The following PEX14 variants were observed in gnomAD, a reference collection of about 807,000 sequenced individuals.
PEX14 encodes peroxisomal membrane protein PEX14.
Under a neutral mutation model 49.5 loss-of-function variants are expected in PEX14, and 15 were observed. That is an observed-to-expected ratio of 0.30 (90% CI 0.20 to 0.47). PEX14 has a LOEUF of 0.47. PEX14 is among the 20% of genes least tolerant of loss of function. PEX14 has a pLI of 1.00. For missense variants in PEX14, 398 were observed against 494.8 expected (o/e 0.80, Z 1.86); for synonymous variants, 210 against 212.7 (o/e 0.99, Z 0.11).
intron 3 of PEX14, among the ~76,000 whole-genome samples, chr1:10,553,019 C>T (rs939642767): frequency 6.6e-6 from 1 of 152,152 alleles, no homozygotes; most frequent in Non-Finnish European, 1.5e-5. Flanking sequence ...CATGTGTTAC[C>T]TCAAGAGTGT....
At chr1:10,580,291 C>T (rs1021045875) in intron 3 of PEX14, among the ~76,000 whole-genome samples, 1 of 152,140 alleles carries the variant, frequency 6.6e-6, no homozygotes, top group Non-Finnish European at 1.5e-5. Context: ...GTGGCACCAT[C>T]TCAACTCACT....
chr1:10,546,156 G>A lies in PEX14; in HGVS notation c.169+9859G>A, dbSNP rs115044988. Among the ~76,000 whole-genome samples the A allele has an allele frequency of 1.1e-3, 169 of 152,314 alleles. 2 individuals are homozygous for A. The highest frequency in any genetic ancestry group is 3.8e-3 in the African/African-American group (160 of 41,570). On this transcript the variant is annotated intron_variant, in intron 3 of 8. Transcript: ENST00000356607. ...TAATTGATGACAACAATCATCAATA[G>A]TATATGTTCTCTTAGAAGATATATT...
At chr1:10,581,857 A>T (rs184100429) in intron 3 of PEX14, among the ~76,000 whole-genome samples, 142 of 151,290 alleles carry the variant, frequency 9.4e-4, no homozygotes, top group African/African-American at 3.2e-3. Context: ...CTTTATACTG[A>T]TCTAACATTT....
intron 3 of PEX14, among the ~76,000 whole-genome samples, chr1:10,578,740 C>T (rs1217296929): frequency 1.3e-5 from 2 of 152,036 alleles, no homozygotes; most frequent in Non-Finnish European, 2.9e-5. Flanking sequence ...TGAAAAAGAA[C>T]CAAATGTAAA....
intron 2 of PEX14, among the ~76,000 whole-genome samples, chr1:10,534,561 T>C (rs1638743404): frequency 6.6e-6 from 1 of 152,192 alleles, no homozygotes; most frequent in African/African-American, 2.4e-5. Context: ...TTGATTTTGG[T>C]GTGACCTGAG....
intron 4 of PEX14, chr1:10,617,248 C>G (rs1641451561): frequency 6.6e-6 from 1 of 152,496 alleles, no homozygotes; most frequent in Non-Finnish European, 1.5e-5. Context: ...GCCCTCTGTG[C>G]TGGTCCCAGT....
Position 10,629,678 on chromosome 1 carries a change from G to A in PEX14, c.825G>A (p.Ser275=), listed in dbSNP as rs143412169. ...SPVSNESTSS[S]PGKEGHSPEG... is the part of the protein sequence containing the mutation. ...TCAGCAACGAGTCCACGTCGTCCTC[G>A]CCTGGGAAGGAGGGCCACAGCCCCG... The change falls in exon 9 of 9, where the codon TCG becomes TCA. Residue 275 remains serine, a synonymous_variant. Coordinates refer to ENST00000356607, the MANE Select transcript of PEX14 (RefSeq NM_004565.3). This position sits in a 1 kb window ranked among gnomAD's most constrained non-coding sequence, Gnocchi z 8.5. 3.6e-4 allele frequency: 584 copies of A among 1,613,484 alleles called. 3 individuals are homozygous for A. The African/African-American group carries it at 5.7e-3, about 16-fold the overall frequency.
In PEX14 at chr1:10,628,012, T is replaced by C. The variant is rs1331474267; in HGVS notation, c.677+649T>C. Among the ~76,000 whole-genome samples, 3 of 152,230 alleles carry C rather than the reference T, an allele frequency of 2.0e-5. No homozygotes were observed. Among genetic ancestry groups the C allele is most frequent in the Non-Finnish European group, 4.4e-5 (3 of 68,036 alleles). On this transcript the variant is annotated intron_variant, in intron 8 of 8. Coordinates refer to ENST00000356607, the MANE Select transcript of PEX14 (RefSeq NM_004565.3). This position sits in a 1 kb window ranked among gnomAD's most constrained non-coding sequence, Gnocchi z 4.5. ...GTGCAGTGGCACGATCTCGGCTCAC[T>C]GCAACCTCTGCCTCCCGGGTTCACG...
At chr1:10,591,678 G>GTGT (rs1557862677) in intron 3 of PEX14, among the ~76,000 whole-genome samples, 1 of 80,778 alleles carries the variant, frequency 1.2e-5, no homozygotes, top group East Asian at 3.4e-4. Flanking sequence ...TGTGTGTGTG[G>GTGT]ACTTCTCTGT....
At chr1:10,481,823 CTTT>C (rs34612970) in intron 1 of PEX14, among the ~76,000 whole-genome samples, 9 of 116,664 alleles carry the variant, frequency 7.7e-5, no homozygotes, top group Admixed American at 3.5e-4. Context: ...CCATTCTACT[CTTT>C]TTTTTTTTTT....
chr1:10,572,049 G>A (rs1045113729), intron 3 of PEX14, among the ~76,000 whole-genome samples: 1 of 152,110 alleles, frequency 6.6e-6, no homozygotes, highest in Non-Finnish European at 1.5e-5. Flanking sequence ...CTGGACACAA[G>A]TTAGAGATTT....
chr1:10,605,251 T>TA (rs1454692847), intron 4 of PEX14, among the ~76,000 whole-genome samples: 1 of 152,152 alleles, frequency 6.6e-6, no homozygotes, highest in Non-Finnish European at 1.5e-5. Context: ...CGGTCGGTGA[T>TA]ACGGTCTGTG....
chr1:10,574,626 A>C (rs1640069556), intron 3 of PEX14, among the ~76,000 whole-genome samples: 4 of 152,194 alleles, frequency 2.6e-5, no homozygotes, highest in Admixed American at 2.6e-4. Flanking sequence ...AAAAAACAGG[A>C]GATGCTACAC....
chr1:10,499,388 G>GT (rs533858141), intron 2 of PEX14, among the ~76,000 whole-genome samples: 249 of 149,030 alleles, frequency 1.7e-3, no homozygotes, highest in African/African-American at 6.0e-3. Flanking sequence ...GGTTCTTTTT[G>GT]TTTTTTCTTT....
chr1:10,609,480 A>G (rs1440739614), intron 4 of PEX14, among the ~76,000 whole-genome samples: 2 of 152,224 alleles, frequency 1.3e-5, no homozygotes, highest in African/African-American at 4.8e-5. Flanking sequence ...GAAAATTTCT[A>G]TCACCCCAGA....
chr1:10,546,262 A>G (rs780015869), intron 3 of PEX14, among the ~76,000 whole-genome samples: 3 of 151,786 alleles, frequency 2.0e-5, no homozygotes, highest in Non-Finnish European at 4.4e-5. Context: ...TTGAGCAGAG[A>G]GGGATTTAAT....
At chr1:10,624,734 C>G (rs1641696408) in intron 7 of PEX14, among the ~76,000 whole-genome samples, 2 of 149,098 alleles carry the variant, frequency 1.3e-5, no homozygotes, top group South Asian at 4.3e-4. Context: ...GCAGCCACAT[C>G]CCCGCAGCTC....
intron 2 of PEX14, 59 bp from the exon 3 acceptor site, chr1:10,536,154 A>T (rs1638795761): frequency 2.8e-6 from 3 of 1,054,242 alleles, no homozygotes; most frequent in African/African-American, 1.5e-5. Context: ...AGGATTTTTA[A>T]TCTTGAAATT....
In PEX14 at chr1:10,597,253, C is replaced by G. The variant is rs1640854094; in HGVS notation, c.170-1985C>G. Reference sequence around the variant, plus strand: ...CACGAACCACCAGGTTTATAAAATTCCGTAGTGTACCAGTGACCATCAGCC... The same window carrying G: ...CACGAACCACCAGGTTTATAAAATTGCGTAGTGTACCAGTGACCATCAGCC... On this transcript the variant is annotated intron_variant, in intron 3 of 8. Coordinates refer to ENST00000356607, the MANE Select transcript of PEX14 (RefSeq NM_004565.3). This position sits in a 1 kb window ranked among gnomAD's most constrained non-coding sequence, Gnocchi z 5.7. 6.6e-6 allele frequency among the ~76,000 whole-genome samples: 1 copy of G among 152,236 alleles called. No homozygotes were observed. The highest frequency in any genetic ancestry group is 2.1e-4 in the South Asian group (1 of 4,834).
Sources: allele counts gnomAD v4.1 joint callset (sites outside exome capture counted in the v4.1 genomes callset), GRCh38; gene constraint gnomAD v4.1.1; non-coding constraint Gnocchi (gnomAD v3.1); transcripts MANE v1.5; gene names NCBI Gene and HGNC (gene_info 2026-07-23, HGNC 2026-07-21).